SEMA3A: variants seen among roughly 807,000 people sequenced by gnomAD.
SEMA3A encodes the protein semaphorin-3A.
SEMA3A carries 29 observed loss-of-function variants against 97.9 expected under a neutral mutation model. The observed-to-expected ratio is 0.30, with a 90% CI of 0.22 to 0.40. The LOEUF is 0.40. SEMA3A is among the 10% of genes least tolerant of loss of function. SEMA3A has a pLI of 1.00. For synonymous variants in SEMA3A, 321 were observed against 323.7 expected, an observed-to-expected ratio of 0.99 and a Z score of 0.09; for missense variants, 763 against 951.3, an observed-to-expected ratio of 0.80 and a Z score of 2.60.
At chr7:84,305,250 A>T (rs2115841287) in intron 3 of SEMA3A, among the ~76,000 whole-genome samples, 1 of 151,798 alleles carries the variant, frequency 6.6e-6, no homozygotes. Context: ...AAAAAAAAAA[A>T]AAAGCAAAAA....
At chr7:84,326,893 T>A (rs1801788940) in intron 2 of SEMA3A, among the ~76,000 whole-genome samples, 1 of 151,944 alleles carries the variant, frequency 6.6e-6, no homozygotes, top group Non-Finnish European at 1.5e-5. Flanking sequence ...GGCAATATCA[T>A]CATGAACATA....
At chr7:84,175,992 T>C (rs1797554985) in intron 1 of SEMA3A, among the ~76,000 whole-genome samples, 1 of 152,180 alleles carries the variant, frequency 6.6e-6, no homozygotes, top group African/African-American at 2.4e-5. Flanking sequence ...CTCCTATCAC[T>C]TTATTTGACA....
chr7:84,415,177 C>A (rs116211254), intron 1 of SEMA3A, among the ~76,000 whole-genome samples: 1 of 151,986 alleles, frequency 6.6e-6, no homozygotes, highest in Non-Finnish European at 1.5e-5. Context: ...AGAAATGATT[C>A]GCATCTGTAT....
At chr7:84,249,920 A>G (rs1487509315) in intron 3 of SEMA3A, among the ~76,000 whole-genome samples, 1 of 147,314 alleles carries the variant, frequency 6.8e-6, no homozygotes, top group Non-Finnish European at 1.5e-5. Flanking sequence ...AAGGGGAAGC[A>G]GTTGCATCCT....
intron 2 of SEMA3A, among the ~76,000 whole-genome samples, chr7:84,342,107 C>T (rs1802186458): frequency 6.6e-6 from 1 of 152,008 alleles, no homozygotes; most frequent in Admixed American, 6.6e-5. Flanking sequence ...ACGATCTTGG[C>T]TCACCGCAAG....
intron 2 of SEMA3A, among the ~76,000 whole-genome samples, chr7:84,131,948 C>T (rs1795974794): frequency 6.6e-6 from 1 of 152,060 alleles, no homozygotes; most frequent in South Asian, 2.1e-4. Context: ...TGCCACCATG[C>T]CCAGCTTATC....
chr7:84,358,830 T>C (rs979601524), intron 2 of SEMA3A, among the ~76,000 whole-genome samples: 5 of 152,184 alleles, frequency 3.3e-5, no homozygotes, highest in Non-Finnish European at 7.3e-5. Context: ...TGGTTTGTAG[T>C]TCTCCTTGAA....
intron 4 of SEMA3A, among the ~76,000 whole-genome samples, chr7:84,077,719 G>A (rs1311443666): frequency 6.6e-6 from 1 of 151,982 alleles, no homozygotes; most frequent in African/African-American, 2.4e-5. Context: ...AGACAATTCT[G>A]TCAATTCTTA....
rs765129567 is a variant in SEMA3A at position 83,961,346 on chromosome 7, T to C, written c.*25A>G. The C allele has an allele frequency of 3.1e-6, 5 of 1,587,476 alleles. No homozygotes were observed. Among genetic ancestry groups the C allele is most frequent in the East Asian group, 2.2e-5 (1 of 44,766 alleles). ...ATTGTCTAGGCAAGTTTCTACTTGT[T>C]TGAGGTTTCTAGAGGTAATGCAGCT... On this transcript the variant is annotated 3_prime_UTR_variant, in exon 17 of 17. Coordinates refer to ENST00000265362, the MANE Select transcript of SEMA3A (RefSeq NM_006080.3).
intron 2 of SEMA3A, among the ~76,000 whole-genome samples, chr7:84,354,744 T>C (rs1005683257): frequency 6.6e-6 from 1 of 151,656 alleles, no homozygotes; most frequent in African/African-American, 2.4e-5. Context: ...TTTTTAGATG[T>C]GAATTACAAA....
intron 2 of SEMA3A, among the ~76,000 whole-genome samples, chr7:84,130,814 T>C (rs1393520815): frequency 2.0e-5 from 3 of 152,118 alleles, no homozygotes; most frequent in African/African-American, 7.2e-5. Flanking sequence ...CTGACTTTCA[T>C]ATTCAGCTTT....
At position 84,272,035 on chromosome 7, in the gene SEMA3A, A is replaced by C. The variant is rs112726163; in HGVS notation, c.-83+35172T>G. On this transcript the variant is annotated intron_variant, in intron 3 of 3. Coordinates refer to the SEMA3A transcript ENST00000424555. ...TCCTTATAGCAGATACTATGTGTGTACTGCTGATAGATATACTCAGAGTGT... is the reference window on the plus strand; with the variant it reads ...TCCTTATAGCAGATACTATGTGTGTCCTGCTGATAGATATACTCAGAGTGT... Among the ~76,000 whole-genome samples, 5 of 152,194 alleles carry C rather than the reference A, an allele frequency of 3.3e-5. 1 individual carries two copies. The highest frequency in any genetic ancestry group is 1.2e-4 in the African/African-American group (5 of 41,556).
intron 3 of SEMA3A, among the ~76,000 whole-genome samples, chr7:84,260,438 A>C (rs1242973017): frequency 2.0e-5 from 3 of 149,808 alleles, no homozygotes; most frequent in African/African-American, 7.4e-5. Flanking sequence ...CCACACTCCC[A>C]AGCTCAGTCA....
chr7:84,407,910 C>T (rs1804147673), intron 1 of SEMA3A, among the ~76,000 whole-genome samples: 1 of 152,172 alleles, frequency 6.6e-6, no homozygotes, highest in African/African-American at 2.4e-5. Context: ...GGATTAAAGA[C>T]TTACATGTTA....
rs138298701 is a variant in SEMA3A, at chr7:84,391,712, C to T, written c.-245-19812G>A. On this transcript the variant is annotated intron_variant, in intron 1 of 3. Transcript: ENST00000424555. ...ACAGGCCAGGCATGGTGGCTCACACCTGTGATCTTAGCACTTTGGGAGGTC... is the reference window on the plus strand; with the variant it reads ...ACAGGCCAGGCATGGTGGCTCACACTTGTGATCTTAGCACTTTGGGAGGTC... Among the ~76,000 whole-genome samples the T allele has an allele frequency of 1.2e-4, 18 of 152,148 alleles. No individual in the cohort carries two copies. In the East Asian group the frequency reaches 2.7e-3, roughly 23 times the overall value.
chr7:84,012,211 GAGT>G (rs1286378443), intron 7 of SEMA3A, among the ~76,000 whole-genome samples: 1 of 152,116 alleles, frequency 6.6e-6, no homozygotes, highest in African/African-American at 2.4e-5. Context: ...ATTGTGAAAA[GAGT>G]AGATTTTAAG....
rs533711541 is a variant in SEMA3A at position 84,322,893 on chromosome 7, T to C, written c.-168-15601A>G. Among the ~76,000 whole-genome samples, 118 of 152,308 alleles carry C rather than the reference T, an allele frequency of 7.7e-4. 1 individual carries two copies. Among genetic ancestry groups the C allele is most frequent in the African/African-American group, 2.7e-3 (113 of 41,586 alleles). ...TGAGAAGAGGGGCTTCCATTTCTAA[T>C]ACTGAGGGAGAATAGCATGGCAGGT... is the stretch of plus-strand genomic sequence containing the variant. On this transcript the variant is annotated intron_variant, in intron 2 of 3. Coordinates refer to the SEMA3A transcript ENST00000424555.
At chr7:84,358,545 C>T (rs533076424) in intron 2 of SEMA3A, among the ~76,000 whole-genome samples, 155 of 151,968 alleles carry the variant, frequency 1.0e-3, no homozygotes, top group South Asian at 1.7e-3. Context: ...TGTAGCCTTG[C>T]AGTATAGTTT....
chr7:84,016,966 T>C (rs1400031827), intron 6 of SEMA3A, among the ~76,000 whole-genome samples: 2 of 152,190 alleles, frequency 1.3e-5, no homozygotes, highest in African/African-American at 4.8e-5. Flanking sequence ...ATTAGTGTAG[T>C]TGTTCATACA....
Sources: allele counts gnomAD v4.1 joint callset (sites outside exome capture counted in the v4.1 genomes callset), GRCh38; gene constraint gnomAD v4.1.1; transcripts MANE v1.5; gene names NCBI Gene and HGNC (gene_info 2026-07-23, HGNC 2026-07-21).